Variants in PRAG1 observed in about 807,000 individuals in gnomAD.
PRAG1 encodes the protein inactive tyrosine-protein kinase PRAG1.
PRAG1 carries 110 observed loss-of-function variants against 95.6 expected under a neutral mutation model. That is an observed-to-expected ratio of 1.15 (90% CI 0.99 to 1.35). The LOEUF (loss-of-function observed/expected upper bound fraction) is 1.35, where lower values mean the gene tolerates loss of function less well. PRAG1 is among the 40% of genes most tolerant of loss of function. The pLI is 0.00. For missense variants in PRAG1, 2,554 were observed against 1,864.7 expected (o/e 1.37, Z -6.81); for synonymous variants, 1,052 against 819.4 (o/e 1.28, Z -4.85).
At chr8:8,380,583 C>T (rs774308317) in intron 2 of PRAG1, among the ~76,000 whole-genome samples, 1 of 151,510 alleles carries the variant, frequency 6.6e-6, no homozygotes, top group African/African-American at 2.4e-5. Context: ...GAAAAATTAG[C>T]GGTGCCTCAC....
rs186401450 is a variant in PRAG1, at chr8:8,370,633, A to C, written c.2162+5614T>G. Among the ~76,000 whole-genome samples, 745 of 152,336 alleles carry C rather than the reference A, an allele frequency of 4.9e-3. 3 individuals are homozygous for C. Among genetic ancestry groups the C allele is most frequent in the African/African-American group, 0.017 (701 of 41,576 alleles). ...TCTAGAAGAACACATTGGAAGCTCT[A>C]ATCAGATTCGATGTGGACACTGGAG... On this transcript the variant is annotated intron_variant, in intron 3 of 5. Transcript: ENST00000615670.
chr8:8,326,804 G>C (rs1798649023), intron 5 of PRAG1, among the ~76,000 whole-genome samples: 1 of 152,172 alleles, frequency 6.6e-6, no homozygotes, highest in African/African-American at 2.4e-5. Context: ...CCACCAACTA[G>C]CTATGGGCAA....
At chr8:8,341,239 C>T (rs1799152801) in intron 3 of PRAG1, among the ~76,000 whole-genome samples, 1 of 152,154 alleles carries the variant, frequency 6.6e-6, no homozygotes, top group Admixed American at 6.6e-5. Context: ...CAGCTTCCCA[C>T]TCCACAAACT....
Position 8,377,986 on chromosome 8 carries a change from C to T in PRAG1, c.423G>A (p.Lys141=), listed in dbSNP as rs777259906. ...VYLGSFRGVQ[K]PAGPSTSPDG... ...CAGGGGAGGTAGAGGGACCAGCAGGCTTCTGTACACCTCGGAAGCTGCCCA... is the reference window on the plus strand; with the variant it reads ...CAGGGGAGGTAGAGGGACCAGCAGGTTTCTGTACACCTCGGAAGCTGCCCA... The change falls in exon 3 of 6, where the codon AAG becomes AAA. Residue 141 remains lysine, a synonymous_variant. Transcript: ENST00000615670. The T allele has an allele frequency of 5.6e-6, 9 of 1,611,830 alleles. No individual in the cohort carries two copies. The Admixed American group carries it at 1.0e-4, about 18-fold the overall frequency.
At chr8:8,355,639 C>G (rs1799657075) in intron 3 of PRAG1, among the ~76,000 whole-genome samples, 1 of 152,100 alleles carries the variant, frequency 6.6e-6, no homozygotes, top group Non-Finnish European at 1.5e-5. Context: ...ACATGGTCAA[C>G]TAGTTTTTGA....
intron 2 of PRAG1, among the ~76,000 whole-genome samples, chr8:8,380,105 CA>C (rs1056561259): frequency 1.5e-4 from 22 of 151,256 alleles, no homozygotes; most frequent in African/African-American, 5.3e-4. Flanking sequence ...AAAACAAAAA[CA>C]AAAACAAAAA....
intron 3 of PRAG1, among the ~76,000 whole-genome samples, chr8:8,374,208 C>T (rs1326577874): frequency 2.0e-5 from 3 of 152,244 alleles, no homozygotes; most frequent in African/African-American, 7.2e-5. Flanking sequence ...AGACTCCAGA[C>T]TCTCAGTTTA....
At chr8:8,336,426 G>A (rs1798985810) in intron 4 of PRAG1, among the ~76,000 whole-genome samples, 1 of 152,154 alleles carries the variant, frequency 6.6e-6, no homozygotes, top group South Asian at 2.1e-4. Flanking sequence ...GACACATGCA[G>A]TCTGTACCTC....
At chr8:8,362,099 C>T (rs1799863105) in intron 3 of PRAG1, among the ~76,000 whole-genome samples, 1 of 152,236 alleles carries the variant, frequency 6.6e-6, no homozygotes, top group South Asian at 2.1e-4. Flanking sequence ...TCTTCCCCCA[C>T]CCCTGGAGCT....
intron 3 of PRAG1, among the ~76,000 whole-genome samples, chr8:8,371,551 G>A (rs1021788447): frequency 6.6e-6 from 1 of 152,016 alleles, no homozygotes; most frequent in Non-Finnish European, 1.5e-5. Context: ...GAGCCACCGC[G>A]CCCGACCATG....
chr8:8,327,601 C>T, intron 5 of PRAG1, 109 bp downstream of exon 5: 2 of 1,249,454 alleles, frequency 1.6e-6, no homozygotes, highest in Non-Finnish European at 2.2e-6. Flanking sequence ...TAGGAATCAA[C>T]TCCCCTCCTA....
chr8:8,361,199 A>G (rs1192375955), intron 3 of PRAG1, among the ~76,000 whole-genome samples: 1 of 152,228 alleles, frequency 6.6e-6, no homozygotes, highest in Non-Finnish European at 1.5e-5. Flanking sequence ...CCTTAAAGGA[A>G]AGAACGTTGA....
At chr8:8,335,189 A>C (rs1798948869) in intron 4 of PRAG1, among the ~76,000 whole-genome samples, 1 of 152,210 alleles carries the variant, frequency 6.6e-6, no homozygotes, top group Admixed American at 6.5e-5. Context: ...ACTTCTTCTA[A>C]GGATTTATCT....
chr8:8,368,709 G>A lies in PRAG1; in HGVS notation c.2162+7538C>T, dbSNP rs114222390. Among the ~76,000 whole-genome samples, 809 of 152,216 alleles carry A rather than the reference G, an allele frequency of 5.3e-3. 7 individuals are homozygous for A. Among genetic ancestry groups the A allele is most frequent in the African/African-American group, 0.019 (774 of 41,520 alleles). On this transcript the variant is annotated intron_variant, in intron 3 of 5. Transcript: ENST00000615670. ...CTAGGAACAAAGTCCCTCTGACGAC[G>A]TCAGGGACAGAGGGGGACTGACCAC... is the stretch of plus-strand genomic sequence containing the variant.
At chr8:8,323,442 C>A (rs919527545) in intron 5 of PRAG1, among the ~76,000 whole-genome samples, 1 of 152,026 alleles carries the variant, frequency 6.6e-6, no homozygotes, top group African/African-American at 2.4e-5. Flanking sequence ...CTCAGCCTCC[C>A]AAGTGGCTGG....
chr8:8,333,080 T>C (rs1798873569), intron 4 of PRAG1, among the ~76,000 whole-genome samples: 1 of 152,238 alleles, frequency 6.6e-6, no homozygotes, highest in Non-Finnish European at 1.5e-5. Context: ...CCAAGGGACA[T>C]GAGACTAACT....
chr8:8,359,545 G>A (rs532776793), intron 3 of PRAG1, among the ~76,000 whole-genome samples: 50 of 152,290 alleles, frequency 3.3e-4, no homozygotes, highest in African/African-American at 8.2e-4. Flanking sequence ...AGTATGACCC[G>A]TCTGATTACT....
At chr8:8,343,619 G>C (rs1336638776) in intron 3 of PRAG1, among the ~76,000 whole-genome samples, 1 of 152,154 alleles carries the variant, frequency 6.6e-6, no homozygotes, top group African/African-American at 2.4e-5. Flanking sequence ...TTTAAAAAAG[G>C]TTAAAAATTA....
chr8:8,367,458 CAAAAAAAAAAAAAAAAAAAAA>C (rs1158165514), intron 3 of PRAG1, among the ~76,000 whole-genome samples: 24 of 26,252 alleles, frequency 9.1e-4, no homozygotes, highest in East Asian at 1.5e-3. Context: ...GACTCCATCT[CAAAAAAAAAAAAAAAAAAAAA>C]AAAAAAAAAA....
Sources: gnomAD v4.1 joint callset for allele counts (sites outside exome capture counted in the v4.1 genomes callset) on GRCh38, gnomAD v4.1.1 for gene constraint, MANE v1.5 for transcripts, NCBI Gene and HGNC (gene_info 2026-07-23, HGNC 2026-07-21) for gene names.